Variants in RBFOX1 observed in about 807,000 individuals in gnomAD.
RBFOX1 encodes the protein RNA binding fox-1 homolog 1.
RBFOX1 carries 8 observed loss-of-function variants against 57.7 expected under a neutral mutation model. That is an observed-to-expected ratio of 0.14 (90% CI 0.08 to 0.25). RBFOX1 has a LOEUF of 0.25. RBFOX1 is among the 10% of genes least tolerant of loss of function. RBFOX1 has a pLI of 1.00. For synonymous variants in RBFOX1, 326 were observed against 222.4 expected (o/e 1.47, Z -4.15); for missense variants, 611 against 548.5 (o/e 1.11, Z -1.14).
chr16:6,434,286 T>C (rs182806573), intron 2 of RBFOX1, among the ~76,000 whole-genome samples: 98 of 152,316 alleles, frequency 6.4e-4, no homozygotes, highest in African/African-American at 2.2e-3. Flanking sequence ...GTTCTGGAGA[T>C]GAGGACATGG....
intron 4 of RBFOX1, among the ~76,000 whole-genome samples, chr16:7,405,255 C>T (rs543265482): frequency 3.3e-5 from 5 of 152,194 alleles, no homozygotes; most frequent in South Asian, 2.1e-4. Context: ...ATTAGCACGG[C>T]GCAGCGCTGA....
intron 2 of RBFOX1, among the ~76,000 whole-genome samples, chr16:6,643,719 C>A (rs374246474): frequency 8.4e-4 from 128 of 152,082 alleles, no homozygotes; most frequent in African/African-American, 2.7e-3. Flanking sequence ...GGTAGGAAGC[C>A]AATTCCCTAC....
intron 1 of RBFOX1, among the ~76,000 whole-genome samples, chr16:5,263,959 G>C (rs2062798434): frequency 6.6e-6 from 1 of 152,210 alleles, no homozygotes; most frequent in Non-Finnish European, 1.5e-5. Flanking sequence ...GTATCATTCA[G>C]CAGCCCTTGG....
intron 2 of RBFOX1, among the ~76,000 whole-genome samples, chr16:6,564,896 T>C (rs139172329): frequency 0.015 from 2,344 of 152,222 alleles, 68 homozygotes; most frequent in African/African-American, 0.048. Flanking sequence ...ATCCCAGCAC[T>C]TTGAGAGGCT....
intron 2 of RBFOX1, among the ~76,000 whole-genome samples, chr16:5,549,869 C>G (rs1031414277): frequency 6.6e-6 from 1 of 152,118 alleles, no homozygotes; most frequent in Non-Finnish European, 1.5e-5. Flanking sequence ...GGGAGGGAAT[C>G]TTGCAGGCCC....
At chr16:5,736,545 G>A (rs911464697) in intron 3 of RBFOX1, among the ~76,000 whole-genome samples, 6 of 152,156 alleles carry the variant, frequency 3.9e-5, no homozygotes, top group South Asian at 2.1e-4. Context: ...TGCCTGGGCC[G>A]AGTGGGGCCC....
At chr16:6,431,198 C>A (rs1485858778) in intron 2 of RBFOX1, among the ~76,000 whole-genome samples, 1 of 151,654 alleles carries the variant, frequency 6.6e-6, no homozygotes, top group East Asian at 2.0e-4. Context: ...CAGGTGATTG[C>A]ACTAAGTTAG....
rs141646500 is a variant in RBFOX1 at position 6,616,981 on chromosome 16, A to C, written c.-63-37622A>C. Reference sequence around the variant, plus strand: ...AGCAGAGTTTTGCAACAGAGACCTTATGTCCTGGCTTTGAAGATACATACT... The same window carrying C: ...AGCAGAGTTTTGCAACAGAGACCTTCTGTCCTGGCTTTGAAGATACATACT... On this transcript the variant is annotated intron_variant, in intron 2 of 15. Coordinates refer to ENST00000550418, the MANE Select transcript of RBFOX1 (RefSeq NM_018723.4). Among the ~76,000 whole-genome samples the C allele has an allele frequency of 4.0e-3, 611 of 152,258 alleles. 5 individuals are homozygous for C. Among genetic ancestry groups the C allele is most frequent in the African/African-American group, 0.014 (565 of 41,566 alleles).
chr16:6,713,405 C>T (rs2064115298), intron 3 of RBFOX1, among the ~76,000 whole-genome samples: 1 of 152,080 alleles, frequency 6.6e-6, no homozygotes, highest in Admixed American at 6.6e-5. Context: ...CTCTAATCTC[C>T]AGTCTAAGAT....
chr16:5,803,916 C>T (rs1476247124), intron 3 of RBFOX1, among the ~76,000 whole-genome samples: 1 of 152,198 alleles, frequency 6.6e-6, no homozygotes, highest in African/African-American at 2.4e-5. Context: ...ACTGCTCTCT[C>T]TGCCTGGAAT....
intron 3 of RBFOX1, among the ~76,000 whole-genome samples, chr16:5,697,939 T>C (rs1457359285): frequency 6.6e-6 from 1 of 152,204 alleles, no homozygotes. Flanking sequence ...CTAAAGGCTT[T>C]TATAATGAGT....
chr16:7,348,453 G>A (rs886928699), intron 4 of RBFOX1, among the ~76,000 whole-genome samples: 2 of 151,764 alleles, frequency 1.3e-5, no homozygotes, highest in South Asian at 2.1e-4. Flanking sequence ...CTAAGGTGAT[G>A]TCTTAAACAA....
Position 7,003,276 on chromosome 16 carries a change from T to A in RBFOX1, c.-15-48781T>A, listed in dbSNP as rs189916667. 9.7e-4 allele frequency among the ~76,000 whole-genome samples: 148 copies of A among 151,874 alleles called. No individual in the cohort carries two copies. The East Asian group carries it at 0.01, about 10-fold the overall frequency. On this transcript the variant is annotated intron_variant, in intron 3 of 15. Coordinates refer to ENST00000550418, the MANE Select transcript of RBFOX1 (RefSeq NM_018723.4). ...CAGATCAAGACCATCCTGGCCAACA[T>A]GGTGAAACCCCCGTCTCTACTAAAA...
chr16:6,853,597 G>A (rs899881603), intron 3 of RBFOX1, among the ~76,000 whole-genome samples: 1 of 152,222 alleles, frequency 6.6e-6, no homozygotes, highest in South Asian at 2.1e-4. Flanking sequence ...CTACCTCCTT[G>A]TACTGTATGA....
intron 4 of RBFOX1, among the ~76,000 whole-genome samples, chr16:7,116,162 C>G (rs563538876): frequency 1.3e-5 from 2 of 152,158 alleles, no homozygotes; most frequent in African/African-American, 4.8e-5. Context: ...GTGTCATGCA[C>G]TGCATTTTTC....
chr16:7,417,095 C>T (rs1323563311), intron 4 of RBFOX1, among the ~76,000 whole-genome samples: 2 of 152,030 alleles, frequency 1.3e-5, no homozygotes, highest in Admixed American at 6.5e-5. Context: ...AGAGTCCGGG[C>T]ATGGTGGCTC....
chr16:6,774,748 C>T (rs1013367026), intron 3 of RBFOX1, among the ~76,000 whole-genome samples: 3 of 151,842 alleles, frequency 2.0e-5, no homozygotes, highest in African/African-American at 7.3e-5. Context: ...TTAATTAGTT[C>T]AACTGTTGAG....
intron 3 of RBFOX1, among the ~76,000 whole-genome samples, chr16:5,807,484 G>C (rs2055268617): frequency 1.3e-5 from 2 of 152,146 alleles, no homozygotes; most frequent in Non-Finnish European, 2.9e-5. Flanking sequence ...ATTAAAATGG[G>C]TCATTACTGA....
chr16:7,579,643 T>C, intron 5 of RBFOX1, 134 bp from the exon 6 acceptor site: 1 of 1,065,722 alleles, frequency 9.4e-7, no homozygotes, highest in South Asian at 1.5e-5. Context: ...CATGCATGCA[T>C]GCGTCAGCAT....
Sources: allele counts gnomAD v4.1 joint callset (sites outside exome capture counted in the v4.1 genomes callset), GRCh38; gene constraint gnomAD v4.1.1; transcripts MANE v1.5; gene names NCBI Gene and HGNC (gene_info 2026-07-23, HGNC 2026-07-21).